Variants in CAPZB observed in about 807,000 individuals in gnomAD.
CAPZB encodes the protein capping actin protein of muscle Z-line subunit beta.
Under a neutral mutation model 38.1 loss-of-function variants are expected in CAPZB, and 2 were observed. The ratio of observed to expected loss-of-function variants is 0.05; its 90% CI spans 0.02 to 0.17. The LOEUF (loss-of-function observed/expected upper bound fraction) is 0.17. Among genes scored for constraint, CAPZB ranks in the 10% least tolerant of loss-of-function variants. CAPZB has a pLI of 1.00. For missense variants in CAPZB, 161 were observed against 334.2 expected (o/e 0.48, Z 4.04); for synonymous variants, 107 against 127.4 (o/e 0.84, Z 1.08).
chr1:19,370,635 C>T (rs6690981), intron 4 of CAPZB, among the ~76,000 whole-genome samples: 8,684 of 152,222 alleles, frequency 0.057, 378 homozygotes, highest in African/African-American at 0.11. Flanking sequence ...ACACTGTTTG[C>T]ACACAGTTCA....
At position 19,356,224 on chromosome 1, in the gene CAPZB, G is replaced by A. The variant is rs1041884088; in HGVS notation, c.588+411C>T. Among the ~76,000 whole-genome samples the A allele has an allele frequency of 6.6e-6, 1 of 152,182 alleles. No homozygotes were observed. The highest frequency in any genetic ancestry group is 2.4e-5 in the African/African-American group (1 of 41,440). Reference sequence around the variant, plus strand: ...GATGCTGGTCCTTGGACTACTCTGAGGGCAGCAAGGTGCAGACACTCTGAG... The same window carrying A: ...GATGCTGGTCCTTGGACTACTCTGAAGGCAGCAAGGTGCAGACACTCTGAG... On this transcript the variant is annotated intron_variant, in intron 6 of 8. Coordinates refer to ENST00000264202, the MANE Select transcript of CAPZB (RefSeq NM_004930.5). This position sits in a 1 kb window ranked among gnomAD's most constrained non-coding sequence, Gnocchi z 4.3.
chr1:19,401,048 T>A (rs1029731607), intron 2 of CAPZB, among the ~76,000 whole-genome samples: 2 of 152,218 alleles, frequency 1.3e-5, no homozygotes, highest in African/African-American at 4.8e-5. Context: ...AAAGCTCAAG[T>A]GGCAGCTAAC....
chr1:19,479,677 C>T (rs539764784), intron 1 of CAPZB, among the ~76,000 whole-genome samples: 11 of 151,948 alleles, frequency 7.2e-5, no homozygotes, highest in Non-Finnish European at 1.0e-4. Flanking sequence ...CTTGTGGAGG[C>T]CTCTCTCCCA....
chr1:19,349,909 C>A (rs1038206281), intron 6 of CAPZB, among the ~76,000 whole-genome samples: 2 of 152,224 alleles, frequency 1.3e-5, no homozygotes, highest in African/African-American at 2.4e-5. Flanking sequence ...GGTGGCAATA[C>A]CAACCCACCA....
intron 3 of CAPZB, among the ~76,000 whole-genome samples, chr1:19,382,825 T>C (rs754443937): frequency 1.1e-4 from 17 of 152,144 alleles, no homozygotes; most frequent in Non-Finnish European, 1.6e-4. Context: ...AATAATGATG[T>C]TGATTAAGCA....
chr1:19,358,391 G>A (rs1022308958), intron 4 of CAPZB, among the ~76,000 whole-genome samples: 3 of 152,218 alleles, frequency 2.0e-5, no homozygotes, highest in African/African-American at 7.2e-5. Flanking sequence ...ACCCGCCTCA[G>A]CCTCCCAAAG....
chr1:19,482,985 T>C (rs1424524228), intron 1 of CAPZB, among the ~76,000 whole-genome samples: 1 of 152,206 alleles, frequency 6.6e-6, no homozygotes, highest in Non-Finnish European at 1.5e-5. Flanking sequence ...GGTAAGTTCA[T>C]GGACACAGAC....
intron 1 of CAPZB, among the ~76,000 whole-genome samples, chr1:19,433,546 CG>C (rs34964333): frequency 6.6e-6 from 1 of 152,172 alleles, no homozygotes; most frequent in Admixed American, 6.5e-5. Flanking sequence ...CCAAAGACAT[CG>C]GGGAGAAGCT....
chr1:19,436,364 T>G (rs983876856), intron 1 of CAPZB, among the ~76,000 whole-genome samples: 1 of 152,194 alleles, frequency 6.6e-6, no homozygotes, highest in African/African-American at 2.4e-5. Context: ...GTGCTTGCGT[T>G]CAAGTTACCC....
chr1:19,404,389 C>T (rs538535651), intron 2 of CAPZB, among the ~76,000 whole-genome samples: 2 of 151,810 alleles, frequency 1.3e-5, no homozygotes, highest in South Asian at 4.2e-4. Context: ...ACTAAAAATA[C>T]AAAACTTAGC....
chr1:19,375,996 GGAAGGGAGAA>G (rs2094142701), intron 4 of CAPZB, among the ~76,000 whole-genome samples: 1 of 152,226 alleles, frequency 6.6e-6, no homozygotes, highest in African/African-American at 2.4e-5. Flanking sequence ...CGATGAGATG[GGAAGGGAGAA>G]CAAGGGAAGC....
At chr1:19,409,628 T>C (rs1254043051) in intron 2 of CAPZB, among the ~76,000 whole-genome samples, 1 of 152,214 alleles carries the variant, frequency 6.6e-6, no homozygotes, top group Non-Finnish European at 1.5e-5. Context: ...ACCATCATAC[T>C]TGGTGACCCT....
chr1:19,465,988 T>C (rs2094567800), intron 1 of CAPZB, among the ~76,000 whole-genome samples: 1 of 151,888 alleles, frequency 6.6e-6, no homozygotes, highest in South Asian at 2.1e-4. Context: ...TCCCAGAGAG[T>C]TAAGTGAAGC....
chr1:19,468,324 C>T (rs1367052085), intron 1 of CAPZB, among the ~76,000 whole-genome samples: 1 of 152,140 alleles, frequency 6.6e-6, no homozygotes, highest in Non-Finnish European at 1.5e-5. Context: ...TTTAATGATA[C>T]TATCAGGTTA....
rs1488559904 is a variant in CAPZB at position 19,485,318 on chromosome 1, A to AC, written c.3+117dup. 5.9e-6 allele frequency: 4 copies of AC among 675,318 alleles called. No homozygotes were observed. The Admixed American group carries it at 1.8e-4, about 30-fold the overall frequency. 41.8% of individuals were successfully genotyped at this position (675,318 alleles called of 1,614,324 possible). Reference sequence around the variant, plus strand: ...GGACCGGGTCCACCCAGGGTCCGGGACCCCGCCCCTCCCCCACCCCGGGAA... The same window carrying AC: ...GGACCGGGTCCACCCAGGGTCCGGGACCCCCGCCCCTCCCCCACCCCGGGAA... On this transcript the variant is annotated intron_variant, in intron 1 of 8. Transcript: ENST00000264202.
chr1:19,442,505 G>C (rs139779198), intron 1 of CAPZB, among the ~76,000 whole-genome samples: 25 of 152,268 alleles, frequency 1.6e-4, no homozygotes, highest in African/African-American at 5.3e-4. Flanking sequence ...CTAACTTAAA[G>C]TTCCCTTACG....
chr1:19,390,000 T>C (rs997688051), intron 2 of CAPZB, among the ~76,000 whole-genome samples: 1 of 152,228 alleles, frequency 6.6e-6, no homozygotes, highest in Non-Finnish European at 1.5e-5. Flanking sequence ...AGACAGGCCC[T>C]CCAGCCTCAG....
At chr1:19,470,680 T>A (rs2094584083) in intron 1 of CAPZB, among the ~76,000 whole-genome samples, 1 of 152,182 alleles carries the variant, frequency 6.6e-6, no homozygotes, top group Non-Finnish European at 1.5e-5. Flanking sequence ...TAAAATTCCA[T>A]GACACAGCAG....
At chr1:19,370,232 C>CTGTCCT (rs1441760540) in intron 4 of CAPZB, among the ~76,000 whole-genome samples, 6 of 152,262 alleles carry the variant, frequency 3.9e-5, no homozygotes, top group Non-Finnish European at 5.9e-5. Flanking sequence ...GCTCAGGGCA[C>CTGTCCT]TGTCCTTGTC....
Sources: allele counts gnomAD v4.1 joint callset (sites outside exome capture counted in the v4.1 genomes callset), GRCh38; gene constraint gnomAD v4.1.1; non-coding constraint Gnocchi (gnomAD v3.1); transcripts MANE v1.5; gene names NCBI Gene and HGNC (gene_info 2026-07-23, HGNC 2026-07-21).